The following PRKN variants were observed in gnomAD, a reference collection of about 807,000 sequenced individuals.
PRKN encodes the protein parkin RBR E3 ubiquitin protein ligase.
In PRKN, 56 loss-of-function variants were observed where a neutral mutation model predicts 59.5. That is an observed-to-expected ratio of 0.94 (90% CI 0.76 to 1.18). The LOEUF (loss-of-function observed/expected upper bound fraction) is 1.18. PRKN is among the 50% of genes most tolerant of loss of function. The probability of loss-of-function intolerance (pLI) is 0.00; values close to 1 mark genes in which losing one functional copy is unlikely to be tolerated. For missense variants in PRKN, 657 were observed against 596.4 expected, an observed-to-expected ratio of 1.10 and a Z score of -1.06; for synonymous variants, 250 against 222.1, an observed-to-expected ratio of 1.13 and a Z score of -1.12.
intron 4 of PRKN, among the ~76,000 whole-genome samples, chr6:162,132,838 T>C (rs1334061833): frequency 6.6e-6 from 1 of 152,038 alleles, no homozygotes; most frequent in Non-Finnish European, 1.5e-5. Flanking sequence ...AGAGAAACCA[T>C]CTTAGAGGAG....
At chr6:162,451,952 A>G (rs1790648143) in intron 1 of PRKN, among the ~76,000 whole-genome samples, 1 of 152,200 alleles carries the variant, frequency 6.6e-6, no homozygotes, top group Non-Finnish European at 1.5e-5. Flanking sequence ...TAGTCAAACT[A>G]TGGAAAGCCA....
intron 5 of PRKN, among the ~76,000 whole-genome samples, chr6:161,981,924 T>A (rs1025242193): frequency 6.6e-6 from 1 of 152,158 alleles, no homozygotes; most frequent in Non-Finnish European, 1.5e-5. Flanking sequence ...TGTGCAAAGT[T>A]TATCAGGAGA....
At chr6:162,637,818 C>T (rs754168792) in intron 1 of PRKN, among the ~76,000 whole-genome samples, 51 of 152,096 alleles carry the variant, frequency 3.4e-4, no homozygotes, top group Non-Finnish European at 5.7e-4. Context: ...TTTCAAATTA[C>T]TTATTCCTAA....
chr6:162,680,568 T>C (rs968649757), intron 1 of PRKN, among the ~76,000 whole-genome samples: 12 of 152,100 alleles, frequency 7.9e-5, no homozygotes, highest in African/African-American at 2.9e-4. Context: ...ACCAGATCTG[T>C]TTCTAGTCCT....
intron 1 of PRKN, among the ~76,000 whole-genome samples, chr6:162,634,007 G>T (rs1777616268): frequency 1.3e-5 from 2 of 152,196 alleles, no homozygotes; most frequent in African/African-American, 4.8e-5. Flanking sequence ...ATACCACACG[G>T]TCTTGTGTCA....
At chr6:161,553,613 C>A (rs1271293446) in intron 8 of PRKN, among the ~76,000 whole-genome samples, 1 of 152,152 alleles carries the variant, frequency 6.6e-6, no homozygotes, top group East Asian at 1.9e-4. Context: ...TATTTTAATT[C>A]AAACATTCCT....
intron 2 of PRKN, among the ~76,000 whole-genome samples, chr6:162,338,749 C>G (rs919480483): frequency 2.6e-5 from 4 of 151,420 alleles, no homozygotes; most frequent in Non-Finnish European, 5.9e-5. Flanking sequence ...TGCCCGGCTG[C>G]CCAGTCTGGA....
In PRKN at chr6:162,147,443, A is replaced by G. The variant is rs141383990; in HGVS notation, c.534+53688T>C. Among the ~76,000 whole-genome samples, 34 of 152,028 alleles carry G rather than the reference A, an allele frequency of 2.2e-4. No homozygotes were observed. In the East Asian group the frequency reaches 6.2e-3, roughly 28 times the overall value. On this transcript the variant is annotated intron_variant, in intron 4 of 11. Coordinates refer to ENST00000366898, the MANE Select transcript of PRKN (RefSeq NM_004562.3). Reference sequence around the variant, plus strand: ...TAGTTGATTTTGTATTGATGTTGCAACCTCAAGGGAACAAACACAGGACAT... The same window carrying G: ...TAGTTGATTTTGTATTGATGTTGCAGCCTCAAGGGAACAAACACAGGACAT...
chr6:162,327,831 T>C lies in PRKN; in HGVS notation c.172-65066A>G, dbSNP rs73600117. Among the ~76,000 whole-genome samples, 381 of 152,260 alleles carry C rather than the reference T, an allele frequency of 2.5e-3. 3 individuals carry two copies. Among genetic ancestry groups the C allele is most frequent in the African/African-American group, 8.7e-3 (363 of 41,558 alleles). On this transcript the variant is annotated intron_variant, in intron 2 of 11. Transcript: ENST00000366898. ...GAAGCTCATGGTCTCCAAGGTCTTA[T>C]CTTTCTACTGGGTGGATGGGCCAAG...
At chr6:162,312,469 A>G (rs1782558593) in intron 2 of PRKN, among the ~76,000 whole-genome samples, 2 of 151,748 alleles carry the variant, frequency 1.3e-5, no homozygotes, top group African/African-American at 4.9e-5. Context: ...CATGTACTCT[A>G]CTCCATCACC....
At chr6:162,189,539 T>C (rs1191720474) in intron 4 of PRKN, among the ~76,000 whole-genome samples, 2 of 151,176 alleles carry the variant, frequency 1.3e-5, no homozygotes, top group East Asian at 4.0e-4. Context: ...ATAATAATAA[T>C]AGTAATAAGA....
At chr6:161,635,670 G>A (rs574398405) in intron 7 of PRKN, among the ~76,000 whole-genome samples, 2 of 152,264 alleles carry the variant, frequency 1.3e-5, no homozygotes, top group Admixed American at 6.5e-5. Flanking sequence ...TTTTCCTGGA[G>A]GAGGGGCCCG....
At chr6:162,683,831 G>T (rs1342007575) in intron 1 of PRKN, among the ~76,000 whole-genome samples, 1 of 151,828 alleles carries the variant, frequency 6.6e-6, no homozygotes, top group Non-Finnish European at 1.5e-5. Context: ...AAAAATTTCT[G>T]GGAAAAAAAG....
intron 7 of PRKN, among the ~76,000 whole-genome samples, chr6:161,569,640 T>C (rs748123624): frequency 8.5e-5 from 13 of 152,190 alleles, no homozygotes; most frequent in Non-Finnish European, 1.9e-4. Flanking sequence ...AACAGTTGCA[T>C]GTGACCCTGG....
At chr6:161,521,241 G>A (rs1041245725) in intron 9 of PRKN, among the ~76,000 whole-genome samples, 1 of 152,110 alleles carries the variant, frequency 6.6e-6, no homozygotes, top group African/African-American at 2.4e-5. Flanking sequence ...GACCATATAT[G>A]AGCAACGTAT....
intron 7 of PRKN, among the ~76,000 whole-genome samples, chr6:161,771,432 C>T (rs1419861066): frequency 6.6e-6 from 1 of 150,376 alleles, no homozygotes; most frequent in Non-Finnish European, 1.5e-5. Context: ...CAAGAAAGAG[C>T]TGTCACAGGT....
At position 161,385,740 on chromosome 6, in the gene PRKN, T is replaced by C. The variant is rs1249121181; in HGVS notation, c.1167+1054A>G. Among the ~76,000 whole-genome samples the C allele has an allele frequency of 6.6e-6, 1 of 152,218 alleles. No homozygotes were observed. The highest frequency in any genetic ancestry group is 1.5e-5 in the Non-Finnish European group (1 of 68,046). On this transcript the variant is annotated intron_variant, in intron 10 of 11. Transcript: ENST00000366898. The surrounding 1 kb of genome is among the most constrained non-coding windows in gnomAD (Gnocchi z 4.9). ...GAGGCAGGGGTCTCTGGGCCATTAT[T>C]GCTTTTGCTGTCAGTACCTGGTAAG...
intron 3 of PRKN, among the ~76,000 whole-genome samples, chr6:162,206,315 T>C (rs1398131725): frequency 6.6e-6 from 1 of 152,124 alleles, no homozygotes; most frequent in Non-Finnish European, 1.5e-5. Flanking sequence ...TCCCTAAAAA[T>C]GACATCTAAG....
intron 2 of PRKN, among the ~76,000 whole-genome samples, chr6:162,280,796 C>CAAA (rs35943173): frequency 0.078 from 3,209 of 40,988 alleles, 496 homozygotes; most frequent in East Asian, 0.35. Flanking sequence ...GACTCCATCT[C>CAAA]AAAAAAAAAA....
Sources: allele counts gnomAD v4.1 joint callset (sites outside exome capture counted in the v4.1 genomes callset), GRCh38; gene constraint gnomAD v4.1.1; non-coding constraint Gnocchi (gnomAD v3.1); transcripts MANE v1.5; gene names NCBI Gene and HGNC (gene_info 2026-07-23, HGNC 2026-07-21).